CSMD1: variants seen among roughly 807,000 people sequenced by gnomAD.
CSMD1 encodes the protein CUB and Sushi multiple domains 1.
In CSMD1, 213 loss-of-function variants were observed where a neutral mutation model predicts 417.5. The observed-to-expected ratio is 0.51, with a 90% CI of 0.46 to 0.57. The LOEUF is 0.57. Ranked by LOEUF, CSMD1 falls within the 20% of genes least tolerant of loss-of-function variation. CSMD1 has a pLI of 0.00. For synonymous variants in CSMD1, 2,862 were observed against 1,736.8 expected, an observed-to-expected ratio of 1.65 and a Z score of -16.11; for missense variants, 6,923 against 4,529.7, an observed-to-expected ratio of 1.53 and a Z score of -15.17.
At chr8:3,830,120 G>C (rs1039602964) in intron 5 of CSMD1, among the ~76,000 whole-genome samples, 2 of 152,130 alleles carry the variant, frequency 1.3e-5, no homozygotes, top group African/African-American at 4.8e-5. Flanking sequence ...GTGAAGGAGA[G>C]TAATTTCTCT....
At chr8:4,954,939 T>G (rs1808989161) in intron 1 of CSMD1, among the ~76,000 whole-genome samples, 1 of 152,192 alleles carries the variant, frequency 6.6e-6, no homozygotes, top group Non-Finnish European at 1.5e-5. Flanking sequence ...CATGTTTCTG[T>G]TTGTCTGTGA....
chr8:4,389,287 A>G (rs1803684284), intron 3 of CSMD1, among the ~76,000 whole-genome samples: 1 of 152,182 alleles, frequency 6.6e-6, no homozygotes, highest in African/African-American at 2.4e-5. Context: ...CAGGAGAATT[A>G]GAAAATGCGA....
chr8:4,201,033 C>T (rs1288626051), intron 3 of CSMD1, among the ~76,000 whole-genome samples: 2 of 152,270 alleles, frequency 1.3e-5, no homozygotes, highest in East Asian at 1.9e-4. Context: ...TGAGATACTA[C>T]AGAGACGAAT....
At chr8:4,237,755 C>G (rs186165306) in intron 3 of CSMD1, among the ~76,000 whole-genome samples, 4 of 152,138 alleles carry the variant, frequency 2.6e-5, no homozygotes, top group African/African-American at 9.7e-5. Flanking sequence ...TCAAGTGATC[C>G]TTCTTCCTCA....
At chr8:4,457,510 G>C (rs775264087) in intron 2 of CSMD1, among the ~76,000 whole-genome samples, 2 of 151,898 alleles carry the variant, frequency 1.3e-5, no homozygotes, top group South Asian at 4.2e-4. Context: ...TGATCATCTG[G>C]ACATACCCAT....
At chr8:4,021,257 G>A (rs145792925) in intron 4 of CSMD1, among the ~76,000 whole-genome samples, 1 of 152,302 alleles carries the variant, frequency 6.6e-6, no homozygotes, top group East Asian at 1.9e-4. Flanking sequence ...TTCACTTACA[G>A]TTTACATTAA....
At chr8:4,117,137 G>A (rs1255503095) in intron 3 of CSMD1, among the ~76,000 whole-genome samples, 1 of 151,578 alleles carries the variant, frequency 6.6e-6, no homozygotes. Flanking sequence ...TTCTAGCCAA[G>A]GAGAAAAGAC....
At chr8:3,322,332 A>C (rs946640641) in intron 23 of CSMD1, among the ~76,000 whole-genome samples, 1 of 152,198 alleles carries the variant, frequency 6.6e-6, no homozygotes, top group Admixed American at 6.5e-5. Flanking sequence ...TTACAGTATT[A>C]GTTAAATGAC....
chr8:4,310,905 T>C (rs1395235949), intron 3 of CSMD1, among the ~76,000 whole-genome samples: 3 of 152,098 alleles, frequency 2.0e-5, no homozygotes, highest in Non-Finnish European at 2.9e-5. Context: ...GAAAAAAAGC[T>C]CAGTATCACT....
intron 20 of CSMD1, among the ~76,000 whole-genome samples, chr8:3,361,776 T>G (rs578116355): frequency 2.0e-5 from 3 of 152,232 alleles, no homozygotes; most frequent in South Asian, 4.2e-4. Flanking sequence ...GTTCTTTGCT[T>G]TAAGTATATT....
chr8:4,888,641 C>A (rs1054154156), intron 1 of CSMD1, among the ~76,000 whole-genome samples: 1 of 152,056 alleles, frequency 6.6e-6, no homozygotes, highest in South Asian at 2.1e-4. Flanking sequence ...GTAAACAGAT[C>A]TTCACCATAA....
intron 3 of CSMD1, among the ~76,000 whole-genome samples, chr8:4,099,275 A>C (rs528567179): frequency 1.3e-5 from 2 of 151,894 alleles, no homozygotes; most frequent in Non-Finnish European, 2.9e-5. Flanking sequence ...TGTTACTTTC[A>C]TCGCCTCTAT....
rs546849955 is a variant in CSMD1 at position 4,418,647 on chromosome 8, ATAT to A, written c.415+1303_415+1305del. Reference sequence around the variant, plus strand: ...GGATTGCTTTAGAGATGCTTTTGTAATATTCTGCAAAAAATGAAATGATGTGAA... The same window carrying A: ...GGATTGCTTTAGAGATGCTTTTGTAATCTGCAAAAAATGAAATGATGTGAA... On this transcript the variant is annotated intron_variant, in intron 3 of 69. Transcript: ENST00000635120. 5.9e-3 allele frequency among the ~76,000 whole-genome samples: 898 copies of A among 152,314 alleles called. 5 individuals carry two copies. The highest frequency in any genetic ancestry group is 0.021 in the African/African-American group (857 of 41,566).
At chr8:3,402,888 T>C (rs1479371649) in intron 15 of CSMD1, among the ~76,000 whole-genome samples, 7 of 152,146 alleles carry the variant, frequency 4.6e-5, no homozygotes, top group Non-Finnish European at 1.0e-4. Context: ...ATCATTTTGT[T>C]CTACGTTAGA....
chr8:3,412,471 G>A (rs1812872228), intron 12 of CSMD1, among the ~76,000 whole-genome samples: 1 of 152,070 alleles, frequency 6.6e-6, no homozygotes, highest in Non-Finnish European at 1.5e-5. Flanking sequence ...GCATTCAAGA[G>A]GAGAAACTTT....
chr8:3,961,318 T>G (rs1484743785), intron 5 of CSMD1, among the ~76,000 whole-genome samples: 1 of 152,170 alleles, frequency 6.6e-6, no homozygotes, highest in Non-Finnish European at 1.5e-5. Context: ...AGTCATCCTT[T>G]CAATTAAGGA....
chr8:3,755,983 G>A (rs530705348), intron 5 of CSMD1, among the ~76,000 whole-genome samples: 27 of 151,906 alleles, frequency 1.8e-4, no homozygotes, highest in African/African-American at 6.0e-4. Context: ...TGCCTAATAC[G>A]GAGAATGTCT....
At position 4,280,730 on chromosome 8, in the gene CSMD1, A is replaced by C. The variant is rs75708283; in HGVS notation, c.415+139223T>G. Among the ~76,000 whole-genome samples, 1,422 of 152,336 alleles carry C rather than the reference A, an allele frequency of 9.3e-3. 10 individuals carry two copies. The highest frequency in any genetic ancestry group is 0.017 in the Non-Finnish European group (1,126 of 68,022). On this transcript the variant is annotated intron_variant, in intron 3 of 69. Transcript: ENST00000635120. ...CAATACCGTGTAAGCCATAAATATA[A>C]TTGTACTTTCCTAGTACCCATATTT...
chr8:3,336,070 C>G (rs899713834), intron 23 of CSMD1, among the ~76,000 whole-genome samples: 1 of 152,264 alleles, frequency 6.6e-6, no homozygotes. Context: ...CTTTGAGTAA[C>G]TGAAGTTAGA....
Sources: gnomAD v4.1 joint callset for allele counts (sites outside exome capture counted in the v4.1 genomes callset) on GRCh38, gnomAD v4.1.1 for gene constraint, MANE v1.5 for transcripts, NCBI Gene and HGNC (gene_info 2026-07-23, HGNC 2026-07-21) for gene names.